The following AKAP11 variants were observed in gnomAD, a reference collection of about 807,000 sequenced individuals.
The protein encoded by AKAP11 is A-kinase anchor protein 11.
In AKAP11, 36 loss-of-function variants were observed where a neutral mutation model predicts 146.1. The ratio of observed to expected loss-of-function variants is 0.25; its 90% confidence interval spans 0.19 to 0.33. The LOEUF is 0.33. Among genes scored for constraint, AKAP11 ranks in the 10% least tolerant of loss-of-function variants. The pLI is 1.00. For synonymous variants in AKAP11, 780 were observed against 786.5 expected (o/e 0.99, Z 0.14); for missense variants, 2,201 against 2,197.0 (o/e 1.00, Z -0.04).
rs1959808864 is a variant in AKAP11, at chr13:42,300,540, G to C, written c.1794G>C (p.Glu598Asp). ...TSSVLQMAFD[E>D]LRRQRAFSLK... Reference sequence around the variant, plus strand: ...CTGTTTTGCAGATGGCATTTGATGAGCTGAGAAGGCAGCGTGCATTTTCAC... The same window carrying C: ...CTGTTTTGCAGATGGCATTTGATGACCTGAGAAGGCAGCGTGCATTTTCAC... The change falls in exon 8 of 13, where the codon GAG becomes GAC. Residue 598 changes from glutamate (E) to aspartate (D), a missense_variant. Around this residue, in one of 3 missense-constraint regions of AKAP11, gnomAD observed 1,867 missense variants for 1,833.5 expected, o/e 1.02. Coordinates refer to ENST00000025301, the MANE Select transcript of AKAP11 (RefSeq NM_016248.4). The C allele has an allele frequency of 6.2e-7, 1 of 1,613,906 alleles. No homozygotes were observed. The highest frequency in any genetic ancestry group is 1.7e-5 in the Admixed American group (1 of 59,980).
In AKAP11 at chr13:42,302,637, T is replaced by G. The variant is rs1960003301; in HGVS notation, c.3891T>G (p.Asp1297Glu). 6.2e-7 allele frequency: 1 copy of G among 1,614,108 alleles called. No homozygotes were observed. The highest frequency in any genetic ancestry group is 8.5e-7 in the Non-Finnish European group (1 of 1,180,012). The change falls in exon 8 of 13, where the codon GAT becomes GAG. Residue 1297 changes from aspartate (D) to glutamate (E), a missense_variant. This residue lies in a region of AKAP11 where 1,867 missense variants were observed against 1,833.5 expected (regional missense o/e 1.02). Coordinates refer to ENST00000025301, the MANE Select transcript of AKAP11 (RefSeq NM_016248.4). Reference protein sequence around the residue: ...KNSCYADGDEDYKVEEKLDIE... With the variant: ...KNSCYADGDEEYKVEEKLDIE... ...GTTGTTATGCTGATGGTGACGAAGA[T>G]TATAAAGTAGAAGAGAAGTTGGATA... is the stretch of plus-strand genomic sequence containing the variant.
At chr13:42,283,987 T>G (rs1469480336) in intron 1 of AKAP11, among the ~76,000 whole-genome samples, 1 of 152,228 alleles carries the variant, frequency 6.6e-6, no homozygotes, top group African/African-American at 2.4e-5. Context: ...AAAACCTTTA[T>G]GCACTGTAGA....
Position 42,301,545 on chromosome 13 carries a change from C to T in AKAP11, c.2799C>T (p.Ser933=). ...QAVLQCSEAS[S]NKDMFADRLS... is the part of the protein sequence containing the mutation. ...TGCTGCAATGCAGTGAAGCTAGTAG[C>T]AATAAGGACATGTTTGCTGACCGGT... The change falls in exon 8 of 13, where the codon AGC becomes AGT. Residue 933 remains serine, a synonymous_variant. Coordinates refer to ENST00000025301, the MANE Select transcript of AKAP11 (RefSeq NM_016248.4). 1 of 1,614,056 alleles carries T rather than the reference C, an allele frequency of 6.2e-7. No homozygotes were observed. Among genetic ancestry groups the T allele is most frequent in the South Asian group, 1.1e-5 (1 of 91,080 alleles).
chr13:42,319,533 C>G lies in AKAP11; in HGVS notation c.*305C>G, dbSNP rs1367285513. 4.3e-6 allele frequency: 1 copy of G among 229,898 alleles called. No individual in the cohort carries two copies. Among genetic ancestry groups the G allele is most frequent in the Admixed American group, 5.5e-5 (1 of 18,104 alleles). The allele number at this position is 229,898 out of a possible 1,614,324, so 14.2% of individuals were successfully genotyped here. ...TTCAGGGGCATTGTCTGACCACATTCTTTTTGTATCCAAATAGTGCTGCTA... is the reference window on the plus strand; with the variant it reads ...TTCAGGGGCATTGTCTGACCACATTGTTTTTGTATCCAAATAGTGCTGCTA... On this transcript the variant is annotated 3_prime_UTR_variant, in exon 13 of 13. Transcript: ENST00000025301.
At chr13:42,309,170 A>G (rs546142444) in intron 9 of AKAP11, among the ~76,000 whole-genome samples, 1 of 152,316 alleles carries the variant, frequency 6.6e-6, no homozygotes, top group South Asian at 2.1e-4. Flanking sequence ...CCTCATATAT[A>G]ACTTTTCTTA....
Position 42,303,406 on chromosome 13 carries a change from C to T in AKAP11, c.4660C>T (p.Leu1554=), listed in dbSNP as rs1231153264. ...AAAAGTAGTGGATGACACTCTAGAG[C>T]TAACTCTAGGATCTACAGTGTTCCG... ...AKKVVDDTLE[L]TLGSTVFRVS... Residue 1554 remains leucine, a synonymous_variant, in exon 8 of 13, where the codon CTA becomes TTA. Transcript: ENST00000025301. 1 of 1,613,968 alleles carries T rather than the reference C, an allele frequency of 6.2e-7. No homozygotes were observed. Among genetic ancestry groups the T allele is most frequent in the Non-Finnish European group, 8.5e-7 (1 of 1,179,984 alleles).
upstream of AKAP11, among the ~76,000 whole-genome samples, chr13:42,271,522 T>C (rs934736046): frequency 3.9e-5 from 6 of 152,184 alleles, no homozygotes; most frequent in Admixed American, 2.6e-4. Flanking sequence ...CCTTGGGCCT[T>C]CGGATCTGGT....
intron 3 of AKAP11, among the ~76,000 whole-genome samples, chr13:42,287,146 T>C: frequency 6.6e-6 from 1 of 152,226 alleles, no homozygotes; most frequent in East Asian, 1.9e-4. Flanking sequence ...AGTGTTCCTA[T>C]GAGCTTCTGG....
In AKAP11 at chr13:42,313,832, T is replaced by C. The variant is rs1960680636; in HGVS notation, c.5358-62T>C. On this transcript the variant is annotated intron_variant, in intron 10 of 12. Transcript: ENST00000025301. The stretch of plus-strand genomic sequence containing the variant: ...ATTCATTACCACATTTTTAAGAATT[T>C]GTTTTGATACCATTATTAATTAAAT... 2.1e-6 allele frequency: 3 copies of C among 1,420,316 alleles called. No individual in the cohort carries two copies. The East Asian group carries it at 6.9e-5, about 33-fold the overall frequency. 88.0% of individuals were successfully genotyped at this position (1,420,316 alleles called of 1,614,324 possible).
rs1323610688 is a variant in AKAP11 at position 42,302,480 on chromosome 13, T to A, written c.3734T>A (p.Phe1245Tyr). The A allele has an allele frequency of 1.2e-6, 2 of 1,614,214 alleles. No homozygotes were observed. The highest frequency in any genetic ancestry group is 1.7e-6 in the Non-Finnish European group (2 of 1,180,036). ...AGTCAAAGAAGTGTGTCGCCTACTT[T>A]TTTAAACCCCTCAGACGAAAATTTG... The part of the protein sequence containing the change: ...VQSQRSVSPT[F>Y]LNPSDENLKT... Residue 1245 changes from phenylalanine to tyrosine, a missense_variant, in exon 8 of 13, where the codon TTT (phenylalanine) becomes TAT (tyrosine). Phe to Tyr is a conservative substitution (Grantham distance 22). Coordinates refer to ENST00000025301, the MANE Select transcript of AKAP11 (RefSeq NM_016248.4).
Position 42,301,713 on chromosome 13 carries a change from T to G in AKAP11, c.2967T>G (p.Pro989=), listed in dbSNP as rs1435572523. ...CACCAGAAAAGTCTCCCAAATTTCC[T>G]GACTCTCAGAATCAGTTAACTCACT... ...QLTPEKSPKF[P]DSQNQLTHCS... Residue 989 remains proline, a synonymous_variant, in exon 8 of 13, where the codon CCT becomes CCG. Coordinates refer to ENST00000025301, the MANE Select transcript of AKAP11 (RefSeq NM_016248.4). 6.2e-7 allele frequency: 1 copy of G among 1,614,196 alleles called. No individual in the cohort carries two copies. The highest frequency in any genetic ancestry group is 1.7e-5 in the Admixed American group (1 of 60,020).
In AKAP11 at chr13:42,274,470, G is replaced by C. The variant is rs148739723; in HGVS notation, c.-100+2242G>C. Among the ~76,000 whole-genome samples, 674 of 152,206 alleles carry C rather than the reference G, an allele frequency of 4.4e-3. 15 individuals carry two copies. In the East Asian group the frequency reaches 0.047, roughly 11 times the overall value. On this transcript the variant is annotated intron_variant, in intron 1 of 12. Coordinates refer to ENST00000025301, the MANE Select transcript of AKAP11 (RefSeq NM_016248.4). ...AGGCTGAGGCGGGTGGATCACTTGA[G>C]ACCAGGAGTTCAAGACCAGCCTGGC...
intron 12 of AKAP11, among the ~76,000 whole-genome samples, 183 bp from the exon 13 acceptor site, chr13:42,318,905 G>A (rs1960955392): frequency 6.6e-6 from 1 of 152,122 alleles, no homozygotes; most frequent in Non-Finnish European, 1.5e-5. Context: ...AGGGGAAGAA[G>A]GGAAAATGTT....
rs1959940478 is a variant in AKAP11, at chr13:42,301,947, T to A, written c.3201T>A (p.Pro1067=). Residue 1067 remains proline, a synonymous_variant, in exon 8 of 13, where the codon CCT becomes CCA. Transcript: ENST00000025301. ...ALSFGQENPF[P]HSHTFSSTAL... ...CTTTTGGACAGGAAAACCCCTTTCCTCATTCACATACTTTCTCATCTACAG... is the reference window on the plus strand; with the variant it reads ...CTTTTGGACAGGAAAACCCCTTTCCACATTCACATACTTTCTCATCTACAG... 6.2e-7 allele frequency: 1 copy of A among 1,614,162 alleles called. No individual in the cohort carries two copies. Among genetic ancestry groups the A allele is most frequent in the Non-Finnish European group, 8.5e-7 (1 of 1,180,000 alleles).
At chr13:42,310,816 G>A (rs1337879780) in intron 9 of AKAP11, among the ~76,000 whole-genome samples, 1 of 150,416 alleles carries the variant, frequency 6.6e-6, no homozygotes, top group Non-Finnish European at 1.5e-5. Context: ...CTGAGATTGT[G>A]CCACTGTACT....
chr13:42,279,264 C>CAT (rs1491092646), intron 1 of AKAP11, among the ~76,000 whole-genome samples: 2 of 39,220 alleles, frequency 5.1e-5, no homozygotes, highest in Admixed American at 4.8e-4. Flanking sequence ...CGTGCACACC[C>CAT]ACACACACAC....
rs375771846 is a variant in AKAP11 at position 42,300,979 on chromosome 13, T to A, written c.2233T>A (p.Ser745Thr). 1.2e-6 allele frequency: 2 copies of A among 1,614,106 alleles called. No homozygotes were observed. Residue 745 changes from serine (S) to threonine (T), a missense_variant, in exon 8 of 13, where the codon TCT (serine) becomes ACT (threonine). By Grantham distance (58) the Ser-to-Thr change is moderately conservative. This residue lies in a region of AKAP11 where 1,867 missense variants were observed against 1,833.5 expected (regional missense o/e 1.02). Coordinates refer to ENST00000025301, the MANE Select transcript of AKAP11 (RefSeq NM_016248.4). ...PSTQAVTFSPSFHNQAIMVTK... is the reference protein window; with the variant it reads ...PSTQAVTFSPTFHNQAIMVTK... ...GACACAGGCTGTCACGTTTTCCCCT[T>A]CTTTTCACAATCAAGCAATTATGGT...
intron 8 of AKAP11, among the ~76,000 whole-genome samples, chr13:42,305,124 T>C (rs1395397545): frequency 1.3e-5 from 2 of 152,238 alleles, no homozygotes; most frequent in Non-Finnish European, 2.9e-5. Flanking sequence ...TGAGAAGATA[T>C]CAGGACCAAC....
chr13:42,315,364 T>TA (rs1212438810), intron 11 of AKAP11, among the ~76,000 whole-genome samples: 1 of 152,188 alleles, frequency 6.6e-6, no homozygotes, highest in Non-Finnish European at 1.5e-5. Flanking sequence ...GTGTTATTGA[T>TA]ATTTGATATT....
Sources: allele counts gnomAD v4.1 joint callset (sites outside exome capture counted in the v4.1 genomes callset), GRCh38; gene constraint gnomAD v4.1.1; regional missense constraint gnomAD v4.1.1; transcripts MANE v1.5; gene names NCBI Gene and HGNC (gene_info 2026-07-23, HGNC 2026-07-21).